The following RNFT2 variants were observed in gnomAD, a reference collection of about 807,000 sequenced individuals.
RNFT2 encodes the protein E3 ubiquitin-protein ligase RNFT2.
RNFT2 carries 36 observed loss-of-function variants against 53.0 expected under a neutral mutation model. The ratio of observed to expected loss-of-function variants is 0.68; its 90% CI spans 0.52 to 0.90. The LOEUF is 0.90. Ranked by LOEUF, RNFT2 falls within the 40% of genes least tolerant of loss-of-function variation. RNFT2 has a pLI of 0.00. For synonymous variants in RNFT2, 260 were observed against 253.2 expected, an observed-to-expected ratio of 1.03 and a Z score of -0.26; for missense variants, 514 against 585.6, an observed-to-expected ratio of 0.88 and a Z score of 1.26.
At chr12:116,744,607 G>T (rs1024209093) in intron 3 of RNFT2, among the ~76,000 whole-genome samples, 2 of 152,174 alleles carry the variant, frequency 1.3e-5, no homozygotes, top group African/African-American at 4.8e-5. Flanking sequence ...GCACATTTTG[G>T]CTGCCTAGTG....
chr12:116,812,300 T>C (rs1875417402), intron 7 of RNFT2, among the ~76,000 whole-genome samples: 1 of 152,014 alleles, frequency 6.6e-6, no homozygotes, highest in Admixed American at 6.6e-5. Flanking sequence ...GTGATGACCA[T>C]AGCAGCCCGA....
intron 10 of RNFT2, among the ~76,000 whole-genome samples, chr12:116,844,653 T>TA (rs1341013045): frequency 2.6e-5 from 4 of 152,208 alleles, no homozygotes; most frequent in African/African-American, 7.2e-5. Flanking sequence ...TCAGTGTTTT[T>TA]AAAAAATATA....
At chr12:116,811,026 T>C (rs778474820) in intron 7 of RNFT2, among the ~76,000 whole-genome samples, 2 of 152,206 alleles carry the variant, frequency 1.3e-5, no homozygotes, top group African/African-American at 4.8e-5. Flanking sequence ...GAATTTTGGT[T>C]CCACCATTTC....
intron 7 of RNFT2, among the ~76,000 whole-genome samples, chr12:116,790,373 T>TG (rs145882549): frequency 0.1 from 15,919 of 152,236 alleles, 2,384 homozygotes; most frequent in African/African-American, 0.33. Context: ...CCTGTATTCG[T>TG]GAGTTTATAT....
At chr12:116,761,350 G>C (rs1434793886) in intron 5 of RNFT2, among the ~76,000 whole-genome samples, 1 of 152,086 alleles carries the variant, frequency 6.6e-6, no homozygotes, top group Non-Finnish European at 1.5e-5. Flanking sequence ...GTTTCACCAT[G>C]TTGGCCAGGC....
intron 10 of RNFT2, among the ~76,000 whole-genome samples, chr12:116,841,860 TATATATATAAATATATATATAA>T (rs1877316159): frequency 1.2e-4 from 3 of 25,480 alleles, no homozygotes; most frequent in African/African-American, 4.9e-4. Context: ...TATATAAAAA[TATATATATAAATATATATATAA>T]ATATATATAA....
intron 9 of RNFT2, 27 bp from the exon 10 acceptor site, chr12:116,836,154 T>G: frequency 1.3e-6 from 2 of 1,591,238 alleles, no homozygotes; most frequent in Non-Finnish European, 1.7e-6. Flanking sequence ...CGCCCATAGC[T>G]GTATTTGCTT....
chr12:116,776,033 A>T, intron 6 of RNFT2, among the ~76,000 whole-genome samples: 1 of 151,694 alleles, frequency 6.6e-6, no homozygotes, highest in Non-Finnish European at 1.5e-5. Flanking sequence ...ACAGAGCGAG[A>T]CTCTCAAAAA....
chr12:116,750,454 C>T, intron 4 of RNFT2, 147 bp downstream of exon 4: 2 of 798,412 alleles, frequency 2.5e-6, no homozygotes. Flanking sequence ...TGAGTCAGAC[C>T]TGGGTTCAAA....
chr12:116,833,790 A>G lies in RNFT2; in HGVS notation c.883-2A>G, dbSNP rs1222119636. On this transcript the variant is annotated splice_acceptor_variant, in intron 7 of 10. Transcript: ENST00000257575. LOFTEE classifies it high-confidence loss of function. ...TAATTGATGTTCTCTGTGTGGTTGCAGGGAAAGTTCTATCTGGTCATCGAG... is the reference window on the plus strand; with the variant it reads ...TAATTGATGTTCTCTGTGTGGTTGCGGGGAAAGTTCTATCTGGTCATCGAG... 1.2e-6 allele frequency: 2 copies of G among 1,613,118 alleles called. No homozygotes were observed. Among genetic ancestry groups the G allele is most frequent in the East Asian group, 2.2e-5 (1 of 44,788 alleles).
In RNFT2 at chr12:116,749,838, C is replaced by A. The variant is rs1592936431; in HGVS notation, c.84-3C>A. The stretch of plus-strand genomic sequence containing the variant: ...CTGGGGTTTCTCTCCCCTTGGCACC[C>A]AGAAACCGCAGCCAGGCGCTCAGCT... On this transcript the variant is annotated splice_region_variant and splice_polypyrimidine_tract_variant and intron_variant, in intron 3 of 10. Transcript: ENST00000257575. The A allele has an allele frequency of 1.3e-6, 2 of 1,568,864 alleles. No individual in the cohort carries two copies. Among genetic ancestry groups the A allele is most frequent in the African/African-American group, 1.4e-5 (1 of 73,928 alleles).
chr12:116,779,443 G>A, intron 7 of RNFT2, 95 bp downstream of exon 7: 2 of 1,311,556 alleles, frequency 1.5e-6, no homozygotes, highest in Non-Finnish European at 1.1e-6. Context: ...GGATGAGGGT[G>A]GACTGATGTC....
Position 116,833,790 on chromosome 12 carries a change from A to AG in RNFT2, c.884dup. 6.2e-7 allele frequency: 1 copy of AG among 1,613,118 alleles called. No individual in the cohort carries two copies. Among genetic ancestry groups the AG allele is most frequent in the Non-Finnish European group, 8.5e-7 (1 of 1,179,486 alleles). On this transcript the variant is annotated splice_acceptor_variant, in intron 7 of 10. Transcript: ENST00000257575. LOFTEE classifies it high-confidence loss of function. ...TAATTGATGTTCTCTGTGTGGTTGC[A>AG]GGGAAAGTTCTATCTGGTCATCGAG...
At chr12:116,821,357 C>T (rs1439571002) in intron 7 of RNFT2, among the ~76,000 whole-genome samples, 2 of 152,330 alleles carry the variant, frequency 1.3e-5, no homozygotes, top group East Asian at 3.9e-4. Context: ...CGATCCCACC[C>T]CCAGCACTGG....
At chr12:116,786,297 T>C (rs1468269587) in intron 7 of RNFT2, among the ~76,000 whole-genome samples, 1 of 152,034 alleles carries the variant, frequency 6.6e-6, no homozygotes, top group East Asian at 1.9e-4. Flanking sequence ...AATTTTTGTA[T>C]TTTTAGTTTG....
At chr12:116,777,701 G>A (rs148718399) in intron 6 of RNFT2, among the ~76,000 whole-genome samples, 37 of 152,250 alleles carry the variant, frequency 2.4e-4, no homozygotes, top group Non-Finnish European at 3.8e-4. Flanking sequence ...CTGCTGCACC[G>A]CAGGGTCTGT....
chr12:116,794,927 C>T (rs1361568740), intron 7 of RNFT2, among the ~76,000 whole-genome samples: 5 of 151,974 alleles, frequency 3.3e-5, no homozygotes, highest in Admixed American at 2.0e-4. Context: ...AAGACATCAT[C>T]GTAACCTTTG....
chr12:116,851,905 T>G lies in RNFT2; in HGVS notation c.*2457T>G. On this transcript the variant is annotated 3_prime_UTR_variant, in exon 11 of 11. Coordinates refer to ENST00000257575, the MANE Select transcript of RNFT2 (RefSeq NM_001382266.1). ...ATCTCCCTCACTTAAGTCTCAGGCC[T>G]GTCAGCAGCTCCTGTGGACATTGCC... 1 of 1,536,158 alleles carries G rather than the reference T, an allele frequency of 6.5e-7. No homozygotes were observed. The highest frequency in any genetic ancestry group is 8.7e-7 in the Non-Finnish European group (1 of 1,146,788).
chr12:116,754,083 C>G, intron 5 of RNFT2, 23 bp downstream of exon 5: 2 of 1,593,322 alleles, frequency 1.3e-6, no homozygotes, highest in Non-Finnish European at 8.6e-7. Flanking sequence ...CCGACCTAGT[C>G]TCCTGTGGCT....
Sources: gnomAD v4.1 joint callset for allele counts (sites outside exome capture counted in the v4.1 genomes callset) on GRCh38, gnomAD v4.1.1 for gene constraint, MANE v1.5 for transcripts, NCBI Gene and HGNC (gene_info 2026-07-23, HGNC 2026-07-21) for gene names.